Variants in VPS37A observed in about 807,000 individuals in gnomAD.
The protein encoded by VPS37A is vacuolar protein sorting-associated protein 37A.
VPS37A carries 30 observed loss-of-function variants against 49.8 expected under a neutral mutation model. That is an observed-to-expected ratio of 0.60 (90% CI 0.45 to 0.82). The LOEUF (loss-of-function observed/expected upper bound fraction) is 0.82, where lower values mean the gene tolerates loss of function less well. Ranked by LOEUF, VPS37A falls within the 40% of genes least tolerant of loss-of-function variation. The pLI is 0.00. For synonymous variants in VPS37A, 195 were observed against 160.6 expected (o/e 1.21, Z -1.62); for missense variants, 593 against 464.4 (o/e 1.28, Z -2.55).
At chr8:17,294,342 A>G (rs773463273) in intron 11 of VPS37A, among the ~76,000 whole-genome samples, 4 of 152,164 alleles carry the variant, frequency 2.6e-5, no homozygotes, top group African/African-American at 4.8e-5. Flanking sequence ...TCAGACTGCT[A>G]TGCTGGCGGT....
Position 17,296,226 on chromosome 8 carries a change from A to G in VPS37A, c.*1240A>G, listed in dbSNP as rs1816619126. 1 of 152,188 alleles carries G rather than the reference A, an allele frequency of 6.6e-6. No individual in the cohort carries two copies. The highest frequency in any genetic ancestry group is 1.5e-5 in the Non-Finnish European group (1 of 68,028). 9.4% of individuals were successfully genotyped at this position (152,188 alleles called of 1,614,324 possible). ...AACAAAATTATTTTGTTAGAATTAAAACATGCTTAATATTTAGTCTGTTTG... is the reference window on the plus strand; with the variant it reads ...AACAAAATTATTTTGTTAGAATTAAGACATGCTTAATATTTAGTCTGTTTG... On this transcript the variant is annotated 3_prime_UTR_variant, in exon 12 of 12. Coordinates refer to ENST00000324849, the MANE Select transcript of VPS37A (RefSeq NM_152415.3).
At chr8:17,250,003 C>G (rs1225384297) in intron 1 of VPS37A, among the ~76,000 whole-genome samples, 1 of 152,158 alleles carries the variant, frequency 6.6e-6, no homozygotes, top group Non-Finnish European at 1.5e-5. Flanking sequence ...TTTTTCTTGG[C>G]TTCTCTGTAT....
intron 11 of VPS37A, among the ~76,000 whole-genome samples, chr8:17,294,103 A>G (rs1267792785): frequency 2.0e-5 from 3 of 152,230 alleles, no homozygotes; most frequent in Admixed American, 6.5e-5. Context: ...AGTTTTATCT[A>G]TAAGCCCCTG....
intron 7 of VPS37A, 30 bp downstream of exon 7, chr8:17,280,185 T>C: frequency 6.2e-7 from 1 of 1,610,030 alleles, no homozygotes; most frequent in Non-Finnish European, 8.5e-7. Flanking sequence ...AGCGCACATT[T>C]CCTGAAAAAA....
intron 1 of VPS37A, chr8:17,247,675 C>T: frequency 4.3e-6 from 3 of 703,322 alleles, no homozygotes; most frequent in Admixed American, 2.0e-5. Flanking sequence ...GTATCCCTTG[C>T]TGCCCAGGCT....
chr8:17,287,434 G>A (rs1815710755), intron 11 of VPS37A, among the ~76,000 whole-genome samples: 1 of 152,042 alleles, frequency 6.6e-6, no homozygotes, highest in Non-Finnish European at 1.5e-5. Flanking sequence ...CAGCACTTTG[G>A]GAGGCCGAGG....
At chr8:17,277,953 T>C (rs1037372539) in intron 6 of VPS37A, among the ~76,000 whole-genome samples, 1 of 151,870 alleles carries the variant, frequency 6.6e-6, no homozygotes, top group African/African-American at 2.4e-5. Context: ...TACACAAATA[T>C]GGGAATAAAT....
intron 1 of VPS37A, among the ~76,000 whole-genome samples, chr8:17,260,384 A>G (rs1046919566): frequency 5.9e-5 from 9 of 152,148 alleles, no homozygotes; most frequent in Admixed American, 2.0e-4. Context: ...AATTGTCTCA[A>G]TTTACAGATT....
chr8:17,293,923 C>T (rs1284567940), intron 11 of VPS37A, among the ~76,000 whole-genome samples: 2 of 152,194 alleles, frequency 1.3e-5, no homozygotes, highest in African/African-American at 4.8e-5. Flanking sequence ...TCAGGAGGCA[C>T]GGTGGTCAGA....
intron 1 of VPS37A, among the ~76,000 whole-genome samples, chr8:17,248,982 A>T (rs1039514263): frequency 1.3e-5 from 2 of 152,254 alleles, no homozygotes; most frequent in Non-Finnish European, 2.9e-5. Context: ...CTCGTTTTTA[A>T]CATGTTTGTT....
At chr8:17,303,625 T>C (rs1455766569), downstream of VPS37A, among the ~76,000 whole-genome samples, 1 of 126,314 alleles carries the variant, frequency 7.9e-6, no homozygotes, top group Non-Finnish European at 1.7e-5. Flanking sequence ...TTTTTTTTTT[T>C]TGAGATGGAG....
the VPS37A span, chr8:17,309,398 T>C: frequency 1.2e-4 from 132 of 1,070,808 alleles, 2 homozygotes; most frequent in South Asian, 1.7e-3. Flanking sequence ...ACCAATAATG[T>C]TGAGGAATTC....
the VPS37A span, among the ~76,000 whole-genome samples, chr8:17,332,324 TCTCC>T: frequency 6.6e-6 from 1 of 152,024 alleles, no homozygotes; most frequent in Non-Finnish European, 1.5e-5. Flanking sequence ...TTGACACAGA[TCTCC>T]TAAAAGTCTG....
At chr8:17,275,013 C>T (rs1218673416) in intron 5 of VPS37A, 55 bp downstream of exon 5, 1 of 1,498,426 alleles carries the variant, frequency 6.7e-7, no homozygotes. Context: ...ATTCAATCCA[C>T]ACACCTTTAT....
At chr8:17,280,327 A>T (rs1814923942) in intron 8 of VPS37A, 30 bp downstream of exon 8, 1 of 1,604,540 alleles carries the variant, frequency 6.2e-7, no homozygotes, top group Non-Finnish European at 8.5e-7. Context: ...GAAGAAATTT[A>T]CATAATTTAA....
intron 1 of VPS37A, chr8:17,248,382 A>C (rs1423458058): frequency 2.2e-6 from 1 of 453,544 alleles, no homozygotes; most frequent in Non-Finnish European, 4.4e-6. Flanking sequence ...ATCCTCCCTC[A>C]GCTCCCCACA....
chr8:17,258,964 C>T (rs1435651082), intron 1 of VPS37A, among the ~76,000 whole-genome samples: 3 of 151,934 alleles, frequency 2.0e-5, no homozygotes, highest in South Asian at 4.1e-4. Context: ...TCTTCTTTTT[C>T]ATTGTGACTT....
At chr8:17,330,353 G>A in the VPS37A span, among the ~76,000 whole-genome samples, 1 of 152,226 alleles carries the variant, frequency 6.6e-6, no homozygotes, top group Non-Finnish European at 1.5e-5. Flanking sequence ...CGCAGACAGT[G>A]CATGGACAGC....
At chr8:17,313,295 T>G in the VPS37A span, 7 of 1,608,326 alleles carry the variant, frequency 4.4e-6, no homozygotes, top group Non-Finnish European at 6.0e-6. Context: ...TGCATACCTT[T>G]GCAATGAAGA....
Sources: gnomAD v4.1 joint callset for allele counts (sites outside exome capture counted in the v4.1 genomes callset) on GRCh38, gnomAD v4.1.1 for gene constraint, MANE v1.5 for transcripts, NCBI Gene and HGNC (gene_info 2026-07-23, HGNC 2026-07-21) for gene names.